The following ZFHX3 variants were observed in gnomAD, a reference collection of about 807,000 sequenced individuals.
ZFHX3 encodes the protein zinc finger homeobox 3.
ZFHX3 carries 42 observed loss-of-function variants against 279.1 expected under a neutral mutation model. That is an observed-to-expected ratio of 0.15 (90% confidence interval 0.12 to 0.19). The LOEUF (loss-of-function observed/expected upper bound fraction) is 0.19, where lower values mean the gene tolerates loss of function less well. Among genes scored for constraint, ZFHX3 ranks in the 10% least tolerant of loss-of-function variants. The pLI is 1.00. For synonymous variants in ZFHX3, 2,293 were observed against 1,957.8 expected, an observed-to-expected ratio of 1.17 and a Z score of -4.52; for missense variants, 4,981 against 4,754.0, an observed-to-expected ratio of 1.05 and a Z score of -1.40.
intron 3 of ZFHX3, among the ~76,000 whole-genome samples, chr16:73,362,475 C>T (rs1253719753): frequency 6.6e-6 from 1 of 152,222 alleles, no homozygotes; most frequent in Admixed American, 6.5e-5. Flanking sequence ...ATCCAATTTA[C>T]AGCAGGAGCG....
chr16:73,841,064 T>C (rs1961293252), intron 1 of ZFHX3, among the ~76,000 whole-genome samples: 1 of 152,088 alleles, frequency 6.6e-6, no homozygotes, highest in African/African-American at 2.4e-5. Flanking sequence ...TGGAGAGGTA[T>C]GTGAAATCAG....
At chr16:73,148,961 G>A (rs1227566141) in intron 5 of ZFHX3, among the ~76,000 whole-genome samples, 1 of 151,044 alleles carries the variant, frequency 6.6e-6, no homozygotes, top group Non-Finnish European at 1.5e-5. Context: ...CAAAACAAGA[G>A]GATGATTGTA....
At chr16:72,981,728 T>C (rs1962607849) in intron 1 of ZFHX3, among the ~76,000 whole-genome samples, 1 of 152,086 alleles carries the variant, frequency 6.6e-6, no homozygotes, top group African/African-American at 2.4e-5. Context: ...CGCATCACCA[T>C]GCTGCAAGCT....
chr16:72,933,142 A>T (rs1465539700), intron 3 of ZFHX3, among the ~76,000 whole-genome samples: 1 of 152,106 alleles, frequency 6.6e-6, no homozygotes, highest in Non-Finnish European at 1.5e-5. Context: ...GCATCCAGAC[A>T]CCTCCTGAAT....
At chr16:73,805,567 C>G (rs1170776285) in intron 1 of ZFHX3, among the ~76,000 whole-genome samples, 1 of 152,186 alleles carries the variant, frequency 6.6e-6, no homozygotes, top group Non-Finnish European at 1.5e-5. Flanking sequence ...TGTAGATGCT[C>G]AGTCACTGTT....
intron 1 of ZFHX3, among the ~76,000 whole-genome samples, chr16:73,730,370 A>AG (rs1196085561): frequency 2.0e-5 from 3 of 148,544 alleles, no homozygotes; most frequent in East Asian, 2.0e-4. Flanking sequence ...AAAAAAAAAA[A>AG]AAAAAGAAAA....
At chr16:73,449,459 A>G (rs1396223401) in intron 3 of ZFHX3, among the ~76,000 whole-genome samples, 1 of 152,074 alleles carries the variant, frequency 6.6e-6, no homozygotes, top group Non-Finnish European at 1.5e-5. Context: ...GCCAGAAGTT[A>G]GAGATCAGCC....
Position 72,958,723 on chromosome 16 carries a change from C to G in ZFHX3, c.1423G>C (p.Glu475Gln), listed in dbSNP as rs745738177. ...EEEEEEEAEEEEEEEEEEEEE... is the reference protein window; with the variant it reads ...EEEEEEEAEEQEEEEEEEEEE... ...TCTTCCTCCTCCTCTTCTTCCTCCT[C>G]CTCCTCCGCCTCTTCCTCCTCCTCT... The change falls in exon 2 of 10, where the codon GAG becomes CAG. Residue 475 changes from glutamate (E) to glutamine (Q), a missense_variant. Physicochemically the swap from Glu to Gln is conservative, Grantham distance 29 (BLOSUM62 2). Transcript: ENST00000268489. The G allele has an allele frequency of 1.2e-6, 2 of 1,613,616 alleles. No individual in the cohort carries two copies. The highest frequency in any genetic ancestry group is 1.7e-6 in the Non-Finnish European group (2 of 1,179,770).
chr16:73,158,873 C>T (rs1269981323), intron 5 of ZFHX3, among the ~76,000 whole-genome samples: 1 of 152,160 alleles, frequency 6.6e-6, no homozygotes, highest in Non-Finnish European at 1.5e-5. Flanking sequence ...ACTGACTAGC[C>T]ATATGCAGAA....
At chr16:72,994,885 T>C (rs1963225064) in intron 1 of ZFHX3, among the ~76,000 whole-genome samples, 3 of 152,244 alleles carry the variant, frequency 2.0e-5, no homozygotes, top group Non-Finnish European at 4.4e-5. Flanking sequence ...GAGCTGCCTG[T>C]GGACAGGGTT....
At chr16:72,833,243 G>A (rs1203114648) in intron 4 of ZFHX3, among the ~76,000 whole-genome samples, 2 of 152,204 alleles carry the variant, frequency 1.3e-5, no homozygotes, top group African/African-American at 4.8e-5. Flanking sequence ...TAAGCTCCTA[G>A]GGCTGTTATC....
intron 5 of ZFHX3, among the ~76,000 whole-genome samples, chr16:73,184,855 C>T (rs1158002444): frequency 6.6e-6 from 1 of 152,182 alleles, no homozygotes; most frequent in African/African-American, 2.4e-5. Flanking sequence ...ACCTGAAATT[C>T]AACAGGTTAT....
intron 3 of ZFHX3, among the ~76,000 whole-genome samples, chr16:73,368,454 C>T (rs974836565): frequency 2.0e-5 from 3 of 152,094 alleles, no homozygotes; most frequent in Admixed American, 6.5e-5. Flanking sequence ...CTAGCTGAGC[C>T]TTGGATGAGC....
intron 1 of ZFHX3, among the ~76,000 whole-genome samples, chr16:73,849,788 G>A (rs183701206): frequency 1.0e-3 from 159 of 152,258 alleles, no homozygotes; most frequent in Non-Finnish European, 1.7e-3. Context: ...GCTAGAGTAC[G>A]ATGGCGTGAT....
At chr16:73,821,451 CTA>C (rs1960738259) in intron 1 of ZFHX3, among the ~76,000 whole-genome samples, 1 of 152,202 alleles carries the variant, frequency 6.6e-6, no homozygotes, top group Admixed American at 6.5e-5. Context: ...TTAGCTATGC[CTA>C]TGACCTGTTG....
chr16:73,326,100 G>C (rs889283846), intron 3 of ZFHX3, among the ~76,000 whole-genome samples: 2 of 152,220 alleles, frequency 1.3e-5, no homozygotes, highest in Non-Finnish European at 1.5e-5. Flanking sequence ...CAGATGGAGA[G>C]ATAGAAGCTC....
chr16:72,916,010 T>A (rs1292922233), intron 3 of ZFHX3, among the ~76,000 whole-genome samples: 1 of 152,214 alleles, frequency 6.6e-6, no homozygotes, highest in African/African-American at 2.4e-5. Flanking sequence ...AAGAGAGGCA[T>A]ATTTTCTGAT....
intron 4 of ZFHX3, among the ~76,000 whole-genome samples, chr16:73,265,334 C>A (rs530383921): frequency 6.6e-6 from 1 of 152,048 alleles, no homozygotes; most frequent in African/African-American, 2.4e-5. Flanking sequence ...ATGGGAGGAG[C>A]CATGCTGGTG....
chr16:72,965,874 G>C (rs1961811969), intron 1 of ZFHX3, among the ~76,000 whole-genome samples: 1 of 152,192 alleles, frequency 6.6e-6, no homozygotes. Context: ...TTAGCGATTA[G>C]CTGTAGGTCC....
Sources: gnomAD v4.1 joint callset for allele counts (sites outside exome capture counted in the v4.1 genomes callset) on GRCh38, gnomAD v4.1.1 for gene constraint, MANE v1.5 for transcripts, NCBI Gene and HGNC (gene_info 2026-07-23, HGNC 2026-07-21) for gene names.